Variants in GDAP1 observed in about 807,000 individuals in gnomAD.
The protein encoded by GDAP1 is ganglioside induced differentiation associated protein 1.
In GDAP1, 34 loss-of-function variants were observed where a neutral mutation model predicts 40.1. The ratio of observed to expected loss-of-function variants is 0.85; its 90% confidence interval spans 0.64 to 1.13. GDAP1 has a LOEUF of 1.13. GDAP1 is among the 50% of genes most tolerant of loss of function. The pLI, the probability that GDAP1 is intolerant of heterozygous loss-of-function variation, is 0.00. For synonymous variants in GDAP1, 170 were observed against 157.4 expected, an observed-to-expected ratio of 1.08 and a Z score of -0.60; for missense variants, 374 against 433.7, an observed-to-expected ratio of 0.86 and a Z score of 1.22.
chr8:74,475,561 AG>A (rs1401430564), intron 2 of GDAP1, among the ~76,000 whole-genome samples: 3 of 152,302 alleles, frequency 2.0e-5, no homozygotes, highest in Non-Finnish European at 4.4e-5. Flanking sequence ...TTTTAGGAAC[AG>A]GTTTTTAAAT....
At chr8:74,487,572 TTGGCAGGGGTAGACCTAAA>T (rs1180196280) in intron 2 of GDAP1, among the ~76,000 whole-genome samples, 3 of 152,144 alleles carry the variant, frequency 2.0e-5, no homozygotes, top group African/African-American at 7.2e-5. Flanking sequence ...AATGATGGGC[TTGGCAGGGGTAGACCTAAA>T]TGGCTGAAGC....
intron 2 of GDAP1, among the ~76,000 whole-genome samples, chr8:74,435,536 A>C (rs1370315969): frequency 6.6e-6 from 1 of 152,220 alleles, no homozygotes; most frequent in Admixed American, 6.5e-5. Flanking sequence ...TGGTTGTAAA[A>C]ATCCCTGAAA....
Position 74,355,867 on chromosome 8 carries a change from T to G in GDAP1, c.311-4270T>G, listed in dbSNP as rs189421072. 4.5e-4 allele frequency among the ~76,000 whole-genome samples: 69 copies of G among 152,264 alleles called. 1 individual carries two copies. The highest frequency in any genetic ancestry group is 2.7e-3 in the Admixed American group (42 of 15,300). On this transcript the variant is annotated intron_variant, in intron 2 of 5. Transcript: ENST00000220822. Reference sequence around the variant, plus strand: ...TAGGAAATAGAATTTAGTTTGGAAATAAACTATTCTAGTATGATATTAAAA... The same window carrying G: ...TAGGAAATAGAATTTAGTTTGGAAAGAAACTATTCTAGTATGATATTAAAA...
rs565105623 is a variant in GDAP1, at chr8:74,463,053, T to C, written c.166-25625T>C. Among the ~76,000 whole-genome samples, 8 of 117,064 alleles carry C rather than the reference T, an allele frequency of 6.8e-5. No homozygotes were observed. The East Asian group carries it at 1.7e-3, about 25-fold the overall frequency. The allele number at this position is 117,064 out of a possible 152,430, so 76.8% of individuals were successfully genotyped here. The stretch of plus-strand genomic sequence containing the variant: ...AGGGTGGATGACATTGCAAGTGATA[T>C]GTAATTAAGGCAATAAGTTACGGCA... On this transcript the variant is annotated intron_variant, in intron 2 of 2. Transcript: ENST00000523640.
At chr8:74,432,340 AT>A (rs932211527) in intron 2 of GDAP1, among the ~76,000 whole-genome samples, 18 of 150,688 alleles carry the variant, frequency 1.2e-4, no homozygotes, top group Non-Finnish European at 1.9e-4. Context: ...TAGCAAGTAA[AT>A]TTTTTTTTTC....
At chr8:74,353,563 T>A (rs1488516752) in intron 2 of GDAP1, among the ~76,000 whole-genome samples, 1 of 152,154 alleles carries the variant, frequency 6.6e-6, no homozygotes, top group Non-Finnish European at 1.5e-5. Flanking sequence ...AGAATGAAAG[T>A]CAGACAAGAT....
rs1364032018 is a variant in GDAP1 at position 74,366,511 on chromosome 8, T to C, written c.*2144T>C. 2.2e-6 allele frequency: 1 copy of C among 454,316 alleles called. No individual in the cohort carries two copies. The highest frequency in any genetic ancestry group is 4.4e-6 in the Non-Finnish European group (1 of 226,724). 28.1% of individuals were successfully genotyped at this position (454,316 alleles called of 1,614,324 possible). A position where few individuals can be genotyped will look rare whatever the true frequency, so the allele number is the denominator to read the frequency against. Reference sequence around the variant, plus strand: ...AATGTCAAGCTAGAGTTAAACACAGTATTAGCTAAATAGGCACTTATGTGT... The same window carrying C: ...AATGTCAAGCTAGAGTTAAACACAGCATTAGCTAAATAGGCACTTATGTGT... On this transcript the variant is annotated 3_prime_UTR_variant, in exon 6 of 6. Coordinates refer to ENST00000220822, the MANE Select transcript of GDAP1 (RefSeq NM_018972.4).
downstream of GDAP1, chr8:74,367,056 C>T (rs777896349): frequency 1.3e-4 from 26 of 204,678 alleles, no homozygotes; most frequent in South Asian, 4.6e-4. Context: ...TAAATATGCA[C>T]GGTTAAAATG....
At chr8:74,478,731 C>A (rs1469222022) in intron 2 of GDAP1, among the ~76,000 whole-genome samples, 8 of 152,212 alleles carry the variant, frequency 5.3e-5, no homozygotes, top group Non-Finnish European at 1.0e-4. Context: ...CTGGGCTCCG[C>A]ACCAGCTGGA....
rs116205421 is a variant in GDAP1, at chr8:74,465,594, C to T, written c.166-23084C>T. Among the ~76,000 whole-genome samples, 722 of 152,252 alleles carry T rather than the reference C, an allele frequency of 4.7e-3. 3 individuals are homozygous for T. Among genetic ancestry groups the T allele is most frequent in the African/African-American group, 0.017 (698 of 41,548 alleles). On this transcript the variant is annotated intron_variant, in intron 2 of 2. Transcript: ENST00000523640. ...AAATTGTAAGTCTGGTCAAATTACT[C>T]ATCTGCTTAAAATAACCTCAAGCCT...
chr8:74,400,444 G>T (rs1229813266), intron 2 of GDAP1, among the ~76,000 whole-genome samples: 3 of 149,562 alleles, frequency 2.0e-5, no homozygotes, highest in Non-Finnish European at 4.4e-5. Flanking sequence ...GTCTATGTGT[G>T]TCTCTGCACG....
Position 74,453,183 on chromosome 8 carries a change from A to G in GDAP1, c.166-35495A>G, listed in dbSNP as rs1314664085. Among the ~76,000 whole-genome samples the G allele has an allele frequency of 1.2e-4, 10 of 83,958 alleles. 4 individuals are homozygous for G. The highest frequency in any genetic ancestry group is 2.4e-4 in the Non-Finnish European group (10 of 41,246). 55.1% of individuals were successfully genotyped at this position (83,958 alleles called of 152,430 possible). ...CTTTAGTGAGCAGCAGCTATAACGT[A>G]GTGTTAATTTCAGGGGCAAACATGG... On this transcript the variant is annotated intron_variant, in intron 2 of 2. Coordinates refer to the GDAP1 transcript ENST00000523640.
intron 2 of GDAP1, among the ~76,000 whole-genome samples, chr8:74,434,867 T>G (rs915078479): frequency 6.6e-6 from 1 of 152,212 alleles, no homozygotes; most frequent in East Asian, 1.9e-4. Flanking sequence ...AGAATTGGGT[T>G]TAAACATAGA....
At chr8:74,358,472 C>T (rs1225852758) in intron 2 of GDAP1, among the ~76,000 whole-genome samples, 2 of 152,138 alleles carry the variant, frequency 1.3e-5, no homozygotes, top group African/African-American at 4.8e-5. Context: ...TTTGAGGATA[C>T]CAGAGAGCAT....
chr8:74,407,152 C>G lies in GDAP1; in HGVS notation c.165+55831C>G, dbSNP rs186971800. Among the ~76,000 whole-genome samples the G allele has an allele frequency of 2.3e-4, 34 of 150,004 alleles. 1 individual carries two copies. In the East Asian group the frequency reaches 5.2e-3, roughly 23 times the overall value. Reference sequence around the variant, plus strand: ...TTCCATTAATCAGAAAAATTGTGATCTGGGTGCGGTGGCTCACCTCTGTGA... The same window carrying G: ...TTCCATTAATCAGAAAAATTGTGATGTGGGTGCGGTGGCTCACCTCTGTGA... On this transcript the variant is annotated intron_variant, in intron 2 of 2. Coordinates refer to the GDAP1 transcript ENST00000523640.
chr8:74,411,560 T>TA (rs1425153459), intron 2 of GDAP1, among the ~76,000 whole-genome samples: 1 of 147,958 alleles, frequency 6.8e-6, no homozygotes, highest in Non-Finnish European at 1.5e-5. Flanking sequence ...CAACAATAAA[T>TA]AAAGAGTATG....
intron 2 of GDAP1, among the ~76,000 whole-genome samples, chr8:74,397,593 C>A (rs1449227160): frequency 6.6e-6 from 1 of 152,100 alleles, no homozygotes; most frequent in African/African-American, 2.4e-5. Context: ...GTTTTCCCAG[C>A]ACCATTTATT....
Position 74,350,428 on chromosome 8 carries a change from C to A in GDAP1, c.-34C>A. 1 of 1,334,532 alleles carries A rather than the reference C, an allele frequency of 7.5e-7. No individual in the cohort carries two copies. The highest frequency in any genetic ancestry group is 1.1e-6 in the Non-Finnish European group (1 of 929,198). The allele number at this position is 1,334,532 out of a possible 1,614,324, so 82.7% of individuals were successfully genotyped here. A position where few individuals can be genotyped will look rare whatever the true frequency, so the allele number is the denominator to read the frequency against. On this transcript the variant is annotated 5_prime_UTR_variant, in exon 1 of 6. Transcript: ENST00000220822. ...GTGGGAGGGAGAAGTCCAGGGCGGA[C>A]AGGCTGGGCGCACCCGTGCTCGCGC...
downstream of GDAP1, among the ~76,000 whole-genome samples, chr8:74,370,730 G>A (rs1304940549): frequency 6.6e-6 from 1 of 152,030 alleles, no homozygotes; most frequent in Non-Finnish European, 1.5e-5. Flanking sequence ...CAAGACACAA[G>A]TATGCGCTAT....
Sources: gnomAD v4.1 joint callset for allele counts (sites outside exome capture counted in the v4.1 genomes callset) on GRCh38, gnomAD v4.1.1 for gene constraint, MANE v1.5 for transcripts, NCBI Gene and HGNC (gene_info 2026-07-23, HGNC 2026-07-21) for gene names.